Variants in KIF26B observed in about 807,000 individuals in gnomAD.
The protein encoded by KIF26B is kinesin family member 26B, also known as kinesin-like protein KIF26B.
A neutral mutation model predicts 151.2 loss-of-function variants in KIF26B; 63 were observed. That is an observed-to-expected ratio of 0.42 (90% confidence interval 0.34 to 0.51). The LOEUF is 0.51. KIF26B is among the 20% of genes least tolerant of loss of function. The pLI, the probability that KIF26B is intolerant of heterozygous loss-of-function variation, is 0.07. For synonymous variants in KIF26B, 1,357 were observed against 1,262.1 expected (o/e 1.08, Z -1.59); for missense variants, 2,813 against 2,913.6 (o/e 0.97, Z 0.79).
At chr1:245,390,943 A>AAAAAAAAAAAAAAAAAAACAAAACAAAAC (rs1553270131) in intron 3 of KIF26B, among the ~76,000 whole-genome samples, 63 of 118,440 alleles carry the variant, frequency 5.3e-4, no homozygotes, top group East Asian at 3.2e-3. Context: ...AAAAAAAAAA[A>AAAAAAAAAAAAAAAAAAACAAAACAAAAC]AAAAAAAAAC....
rs1250006905 is a variant in KIF26B, at chr1:245,367,112, G to A, written c.744G>A (p.Val248=). ...GLQQPRDWAF[V]PAPCATSNYT... ...AGCAGCCCAGAGACTGGGCCTTTGTGCCCGCCCCCTGTGCCACCTCCAACT... is the reference window on the plus strand; with the variant it reads ...AGCAGCCCAGAGACTGGGCCTTTGTACCCGCCCCCTGTGCCACCTCCAACT... The change falls in exon 3 of 15, where the codon GTG becomes GTA. Residue 248 remains valine, a synonymous_variant. Coordinates refer to ENST00000407071, the MANE Select transcript of KIF26B (RefSeq NM_018012.4). This position sits in a 1 kb window ranked among gnomAD's most constrained non-coding sequence, Gnocchi z 4.2. 6.3e-7 allele frequency: 1 copy of A among 1,592,824 alleles called. No homozygotes were observed. The highest frequency in any genetic ancestry group is 8.5e-7 in the Non-Finnish European group (1 of 1,170,024).
At chr1:245,192,257 T>G (rs950958335) in intron 2 of KIF26B, among the ~76,000 whole-genome samples, 2 of 152,022 alleles carry the variant, frequency 1.3e-5, no homozygotes, top group African/African-American at 4.8e-5. Context: ...GGGGACGTGC[T>G]CATGATATAA....
chr1:245,207,499 C>T (rs1354193040), intron 2 of KIF26B, among the ~76,000 whole-genome samples: 1 of 152,106 alleles, frequency 6.6e-6, no homozygotes, highest in Non-Finnish European at 1.5e-5. Context: ...TAGATAAGGA[C>T]TTACAAGGGA....
chr1:245,591,969 G>A (rs529387667), intron 5 of KIF26B, among the ~76,000 whole-genome samples: 3 of 152,246 alleles, frequency 2.0e-5, no homozygotes, highest in African/African-American at 7.2e-5. Flanking sequence ...CCTCCAGCGC[G>A]CAGTCCCTTG....
intron 2 of KIF26B, among the ~76,000 whole-genome samples, chr1:245,299,105 T>G (rs762046818): frequency 1.3e-5 from 2 of 152,232 alleles, no homozygotes; most frequent in Non-Finnish European, 2.9e-5. Flanking sequence ...GCTCGCTGCC[T>G]CCCGCCTGCC....
chr1:245,159,469 TATTAAAACGTC>T, intron 2 of KIF26B, among the ~76,000 whole-genome samples: 1 of 152,346 alleles, frequency 6.6e-6, no homozygotes, highest in Admixed American at 6.5e-5. Context: ...TGAATGAGAC[TATTAAAACGTC>T]ATTAAAATGA....
chr1:245,654,159 G>A (rs2044049499), intron 10 of KIF26B, among the ~76,000 whole-genome samples: 1 of 152,150 alleles, frequency 6.6e-6, no homozygotes, highest in Non-Finnish European at 1.5e-5. Flanking sequence ...ACCTGTTTCT[G>A]TGATTGCTAA....
chr1:245,341,065 A>G (rs990505816), intron 2 of KIF26B, among the ~76,000 whole-genome samples: 6 of 152,176 alleles, frequency 3.9e-5, no homozygotes, highest in Admixed American at 6.5e-5. Context: ...TCCTTTCCCA[A>G]TCCCAGTGCC....
intron 2 of KIF26B, among the ~76,000 whole-genome samples, chr1:245,250,314 G>A (rs902937973): frequency 6.6e-6 from 1 of 152,138 alleles, no homozygotes; most frequent in Non-Finnish European, 1.5e-5. Flanking sequence ...AATATGGTAA[G>A]ATGCTCCACA....
At chr1:245,649,880 G>A (rs1178671010) in intron 10 of KIF26B, among the ~76,000 whole-genome samples, 1 of 152,168 alleles carries the variant, frequency 6.6e-6, no homozygotes, top group African/African-American at 2.4e-5. Context: ...AAGTGAGTTT[G>A]GATTCATTAC....
intron 4 of KIF26B, among the ~76,000 whole-genome samples, chr1:245,464,677 C>T (rs1387589353): frequency 6.6e-6 from 1 of 151,242 alleles, no homozygotes; most frequent in Non-Finnish European, 1.5e-5. Flanking sequence ...TGGGTGTGTG[C>T]ATGTGTGAGT....
At chr1:245,639,874 C>T (rs1487192261) in intron 9 of KIF26B, among the ~76,000 whole-genome samples, 1 of 151,556 alleles carries the variant, frequency 6.6e-6, no homozygotes, top group Non-Finnish European at 1.5e-5. Flanking sequence ...GTTTTGTGGC[C>T]TATCATATGG....
intron 2 of KIF26B, among the ~76,000 whole-genome samples, chr1:245,168,650 TTCATC>T (rs1668654525): frequency 6.6e-6 from 1 of 152,264 alleles, no homozygotes; most frequent in East Asian, 1.9e-4. Context: ...AAACATTTTA[TTCATC>T]ATTCTTCATC....
At chr1:245,273,430 A>AT (rs1670886489) in intron 2 of KIF26B, among the ~76,000 whole-genome samples, 1 of 151,764 alleles carries the variant, frequency 6.6e-6, no homozygotes, top group South Asian at 2.1e-4. Flanking sequence ...AAAAAAAAAA[A>AT]AAAAAAAAAA....
At chr1:245,187,300 A>T (rs1669017048) in intron 2 of KIF26B, among the ~76,000 whole-genome samples, 1 of 152,238 alleles carries the variant, frequency 6.6e-6, no homozygotes, top group African/African-American at 2.4e-5. Context: ...AGTGGGAGCT[A>T]AATAATGTGT....
chr1:245,678,390 C>T (rs1033527347), intron 10 of KIF26B, among the ~76,000 whole-genome samples: 12 of 151,992 alleles, frequency 7.9e-5, no homozygotes, highest in South Asian at 6.2e-4. Context: ...GTGGGTAGAG[C>T]GTGGGATGGT....
chr1:245,247,436 C>T (rs142128617), intron 2 of KIF26B, among the ~76,000 whole-genome samples: 5 of 152,112 alleles, frequency 3.3e-5, no homozygotes, highest in African/African-American at 4.8e-5. Flanking sequence ...CCAGCCTGGG[C>T]GACAGAGCGA....
chr1:245,380,914 G>A (rs1352905294), intron 3 of KIF26B, among the ~76,000 whole-genome samples: 1 of 150,720 alleles, frequency 6.6e-6, no homozygotes, highest in East Asian at 1.9e-4. Context: ...TGGGGAGGTT[G>A]GTGGGGTTAA....
intron 2 of KIF26B, among the ~76,000 whole-genome samples, chr1:245,191,700 G>C (rs766086511): frequency 6.6e-6 from 1 of 152,132 alleles, no homozygotes; most frequent in Non-Finnish European, 1.5e-5. Flanking sequence ...TTACAACGAA[G>C]CATGAATATC....
Sources: gnomAD v4.1 joint callset for allele counts (sites outside exome capture counted in the v4.1 genomes callset) on GRCh38, gnomAD v4.1.1 for gene constraint, Gnocchi (gnomAD v3.1) non-coding constraint, MANE v1.5 for transcripts, NCBI Gene and HGNC (gene_info 2026-07-23, HGNC 2026-07-21) for gene names.